The following MAP4K4 variants were observed in gnomAD, a reference collection of about 807,000 sequenced individuals.
The protein encoded by MAP4K4 is HPK/GCK-like kinase HGK.
Under a neutral mutation model 189.6 loss-of-function variants are expected in MAP4K4, and 38 were observed. The ratio of observed to expected loss-of-function variants is 0.20; its 90% CI spans 0.15 to 0.26. The LOEUF is 0.26. Among genes scored for constraint, MAP4K4 ranks in the 10% least tolerant of loss-of-function variants. The pLI is 1.00. For synonymous variants in MAP4K4, 610 were observed against 624.3 expected, an observed-to-expected ratio of 0.98 and a Z score of 0.34; for missense variants, 1,054 against 1,726.9, an observed-to-expected ratio of 0.61 and a Z score of 6.91.
At chr2:101,816,444 A>T (rs891478212) in intron 3 of MAP4K4, among the ~76,000 whole-genome samples, 1 of 151,846 alleles carries the variant, frequency 6.6e-6, no homozygotes, top group African/African-American at 2.4e-5. Flanking sequence ...CCTTTCTTGG[A>T]CCTGTTTTTA....
At chr2:101,848,100 A>C (rs1364700691) in intron 12 of MAP4K4, among the ~76,000 whole-genome samples, 2 of 152,216 alleles carry the variant, frequency 1.3e-5, no homozygotes, top group Non-Finnish European at 2.9e-5. Context: ...GTGTGTGCAC[A>C]CTATATGATG....
intron 8 of MAP4K4, among the ~76,000 whole-genome samples, chr2:101,835,348 G>A (rs964037206): frequency 1.3e-5 from 2 of 152,202 alleles, no homozygotes; most frequent in African/African-American, 4.8e-5. Context: ...ATGTAGTAAT[G>A]CCTACATGTG....
chr2:101,874,290 G>A (rs7583833), intron 26 of MAP4K4, 38 bp downstream of exon 26: 3 of 1,558,764 alleles, frequency 1.9e-6, no homozygotes, highest in Non-Finnish European at 2.6e-6. Flanking sequence ...TTTCATTTTT[G>A]TTCTGAGTGG....
intron 12 of MAP4K4, among the ~76,000 whole-genome samples, chr2:101,855,052 G>C (rs1210612179): frequency 6.6e-6 from 1 of 152,224 alleles, no homozygotes; most frequent in Admixed American, 6.5e-5. Context: ...AGTCTAGCTT[G>C]TGCTTTACTG....
At chr2:101,868,975 C>A (rs947599912) in intron 21 of MAP4K4, among the ~76,000 whole-genome samples, 8 of 151,950 alleles carry the variant, frequency 5.3e-5, no homozygotes, top group African/African-American at 1.9e-4. Flanking sequence ...AAGCAAGCCT[C>A]TAGTTAAATA....
intron 2 of MAP4K4, among the ~76,000 whole-genome samples, chr2:101,708,384 C>G (rs1349873060): frequency 6.6e-6 from 1 of 152,010 alleles, no homozygotes; most frequent in Admixed American, 6.6e-5. Context: ...AAAATGAAAA[C>G]AAGGGTAAGC....
chr2:101,809,172 A>T (rs2095250069), intron 3 of MAP4K4, among the ~76,000 whole-genome samples: 1 of 152,226 alleles, frequency 6.6e-6, no homozygotes, highest in South Asian at 2.1e-4. Context: ...ACTTCATGGT[A>T]CACCTCTACA....
At chr2:101,783,131 A>G (rs1055597061) in intron 2 of MAP4K4, among the ~76,000 whole-genome samples, 6 of 152,210 alleles carry the variant, frequency 3.9e-5, no homozygotes, top group Non-Finnish European at 8.8e-5. Flanking sequence ...GAGAGAATGG[A>G]CAGACCAGGT....
chr2:101,869,967 G>A, intron 22 of MAP4K4, 170 bp downstream of exon 22: 2 of 845,232 alleles, frequency 2.4e-6, no homozygotes, highest in Non-Finnish European at 3.5e-6. Flanking sequence ...TCGTTGGTGT[G>A]TGCATATGTC....
At chr2:101,786,156 C>T (rs1039673001) in intron 2 of MAP4K4, among the ~76,000 whole-genome samples, 2 of 152,000 alleles carry the variant, frequency 1.3e-5, no homozygotes, top group Non-Finnish European at 2.9e-5. Context: ...TTAAAAGCCT[C>T]CTTTTGAATG....
At chr2:101,792,834 A>G (rs2093153803) in intron 3 of MAP4K4, among the ~76,000 whole-genome samples, 1 of 152,070 alleles carries the variant, frequency 6.6e-6, no homozygotes, top group South Asian at 2.1e-4. Flanking sequence ...GGGTTTCACC[A>G]TATTGGCCAG....
chr2:101,859,874 T>C lies in MAP4K4; in HGVS notation c.1704+10T>C, dbSNP rs1166051329. ...TGACCGAGCGCGAGAGGTATCCTCT[T>C]TCCTTTGTCACTTAGACATTGCCCT... On this transcript the variant is annotated intron_variant, in intron 15 of 32. Transcript: ENST00000324219. 8.2e-6 allele frequency: 13 copies of C among 1,587,134 alleles called. No homozygotes were observed. In the Admixed American group the frequency reaches 1.6e-4, roughly 20 times the overall value.
In MAP4K4 at chr2:101,860,928, TTTCCAATG is replaced by T; in HGVS notation, c.1809_1816del (p.Phe603LeufsTer41). The stretch of plus-strand genomic sequence containing the variant: ...CCAGTGCCTTCCCGATCAGAGTCTT[TTTCCAATG>T]GCAACTCCGAGTCTGTGCATCCCGC... On this transcript the variant is annotated frameshift_variant, in exon 16 of 33. Transcript: ENST00000324219. LOFTEE classifies it high-confidence loss of function. 1 of 1,606,710 alleles carries T rather than the reference TTTCCAATG, an allele frequency of 6.2e-7. No individual in the cohort carries two copies. The highest frequency in any genetic ancestry group is 8.5e-7 in the Non-Finnish European group (1 of 1,176,462).
At chr2:101,708,176 G>A (rs1489830665) in intron 2 of MAP4K4, among the ~76,000 whole-genome samples, 1 of 151,844 alleles carries the variant, frequency 6.6e-6, no homozygotes, top group African/African-American at 2.4e-5. Flanking sequence ...TTATTCTTTT[G>A]TTTACTTTAA....
At chr2:101,855,883 A>G in intron 12 of MAP4K4, 94 bp from the exon 13 acceptor site, 2 of 1,240,508 alleles carry the variant, frequency 1.6e-6, no homozygotes, top group Non-Finnish European at 2.2e-6. Context: ...TCACCTCATT[A>G]GTGTCCACCT....
intron 2 of MAP4K4, among the ~76,000 whole-genome samples, chr2:101,782,755 T>A (rs1172007126): frequency 6.6e-6 from 1 of 152,214 alleles, no homozygotes; most frequent in African/African-American, 2.4e-5. Flanking sequence ...TGAAGTATTC[T>A]GAGCTGTCTC....
rs1019110237 is a variant in MAP4K4 at position 101,760,634 on chromosome 2, G to A, written c.124-30086G>A. On this transcript the variant is annotated intron_variant, in intron 2 of 32. Transcript: ENST00000324219. ...ACACATTGAGACTTTTGTATTTGAA[G>A]TAGATAAGATGTTCTTCTATTTAAA... Among the ~76,000 whole-genome samples the A allele has an allele frequency of 2.9e-4, 44 of 151,634 alleles. 3 individuals are homozygous for A. Among genetic ancestry groups the A allele is most frequent in the Non-Finnish European group, 2.9e-5 (2 of 67,988 alleles).
chr2:101,775,002 A>G (rs964394757), intron 2 of MAP4K4, among the ~76,000 whole-genome samples: 46 of 146,654 alleles, frequency 3.1e-4, no homozygotes, highest in African/African-American at 1.1e-3. Context: ...TTGTTTATCA[A>G]TCTCACAAAA....
intron 1 of MAP4K4, 96 bp from the exon 2 acceptor site, chr2:101,698,377 C>G: frequency 4.1e-6 from 5 of 1,213,866 alleles, no homozygotes; most frequent in Non-Finnish European, 6.1e-6. Context: ...AAGCCCACCT[C>G]TTTTGTCACC....
Sources: gnomAD v4.1 joint callset for allele counts (sites outside exome capture counted in the v4.1 genomes callset) on GRCh38, gnomAD v4.1.1 for gene constraint, MANE v1.5 for transcripts, NCBI Gene and HGNC (gene_info 2026-07-23, HGNC 2026-07-21) for gene names.